The following TSPAN15 variants were observed in gnomAD, a reference collection of about 807,000 sequenced individuals.
TSPAN15 encodes the protein tetraspanin-15.
Under a neutral mutation model 34.5 loss-of-function variants are expected in TSPAN15, and 20 were observed. The ratio of observed to expected loss-of-function variants is 0.58; its 90% CI spans 0.41 to 0.84. The LOEUF is 0.84. TSPAN15 is among the 40% of genes least tolerant of loss of function. The pLI is 0.00. For synonymous variants in TSPAN15, 155 were observed against 153.9 expected (o/e 1.01, Z -0.05); for missense variants, 313 against 386.1 (o/e 0.81, Z 1.59).
At chr10:69,482,330 C>T (rs1841751520) in intron 1 of TSPAN15, among the ~76,000 whole-genome samples, 1 of 152,228 alleles carries the variant, frequency 6.6e-6, no homozygotes, top group Non-Finnish European at 1.5e-5. Context: ...CTGGGGTGAG[C>T]ACACATGGCA....
chr10:69,463,095 C>T (rs915133746), intron 1 of TSPAN15, among the ~76,000 whole-genome samples: 4 of 152,184 alleles, frequency 2.6e-5, no homozygotes, highest in African/African-American at 9.7e-5. Context: ...TCAAAACATT[C>T]TTTTATGTGC....
chr10:69,466,393 T>G (rs575652198), intron 1 of TSPAN15, among the ~76,000 whole-genome samples: 1 of 152,256 alleles, frequency 6.6e-6, no homozygotes, highest in Admixed American at 6.5e-5. Context: ...CCCCCGCTGA[T>G]TCCTGGTGGT....
the TSPAN15 span, among the ~76,000 whole-genome samples, chr10:69,547,325 T>C: frequency 3.3e-5 from 5 of 152,234 alleles, no homozygotes; most frequent in Non-Finnish European, 7.3e-5. Context: ...TCTTTTCATA[T>C]TTATTTATTC....
At chr10:69,528,832 T>G in the TSPAN15 span, among the ~76,000 whole-genome samples, 184 of 148,034 alleles carry the variant, frequency 1.2e-3, 19 homozygotes, top group Admixed American at 4.9e-3. Context: ...CATGCTCAGC[T>G]CTGGCTAAGC....
At chr10:69,513,617 C>T in the TSPAN15 span, among the ~76,000 whole-genome samples, 3 of 152,100 alleles carry the variant, frequency 2.0e-5, no homozygotes, top group Admixed American at 2.0e-4. Flanking sequence ...CTTCTGGTGT[C>T]ATAGCTAAGA....
At chr10:69,453,458 G>T (rs1841017658) in intron 1 of TSPAN15, among the ~76,000 whole-genome samples, 1 of 152,160 alleles carries the variant, frequency 6.6e-6, no homozygotes, top group African/African-American at 2.4e-5. Context: ...CTGTAAATCA[G>T]AGTTGAAAGA....
At chr10:69,454,235 G>A (rs1311622674) in intron 1 of TSPAN15, among the ~76,000 whole-genome samples, 1 of 152,108 alleles carries the variant, frequency 6.6e-6, no homozygotes, top group Non-Finnish European at 1.5e-5. Context: ...ATTACTACTG[G>A]GGCCGGGCCC....
chr10:69,492,665 A>G (rs1841993579), intron 3 of TSPAN15, among the ~76,000 whole-genome samples: 1 of 150,338 alleles, frequency 6.7e-6, no homozygotes, highest in African/African-American at 2.5e-5. Flanking sequence ...GGGAGGCGGG[A>G]TGGTTTGGGG....
the TSPAN15 span, among the ~76,000 whole-genome samples, chr10:69,515,221 T>C: frequency 2.6e-5 from 4 of 152,210 alleles, no homozygotes; most frequent in Non-Finnish European, 4.4e-5. Flanking sequence ...GATTTTGCTT[T>C]CCCAACCTCT....
At chr10:69,491,723 A>G (rs1841974125) in intron 3 of TSPAN15, among the ~76,000 whole-genome samples, 1 of 152,184 alleles carries the variant, frequency 6.6e-6, no homozygotes, top group Non-Finnish European at 1.5e-5. Context: ...TCCCAGCCTC[A>G]GGTCTCAGGC....
downstream of TSPAN15, among the ~76,000 whole-genome samples, chr10:69,510,802 T>C (rs995066325): frequency 1.3e-5 from 2 of 152,218 alleles, no homozygotes; most frequent in Non-Finnish European, 2.9e-5. Flanking sequence ...TTGAATTTTA[T>C]TGAAGGCTTT....
At chr10:69,518,047 A>G in the TSPAN15 span, among the ~76,000 whole-genome samples, 1 of 152,244 alleles carries the variant, frequency 6.6e-6, no homozygotes, top group Non-Finnish European at 1.5e-5. Flanking sequence ...TCTACATTGC[A>G]TTGGCAAAGA....
chr10:69,481,572 G>A (rs1256597541), intron 1 of TSPAN15, among the ~76,000 whole-genome samples: 1 of 152,204 alleles, frequency 6.6e-6, no homozygotes, highest in East Asian at 1.9e-4. Context: ...TCTGCTTAAG[G>A]ACATGATGAT....
At chr10:69,504,338 A>G (rs1842279032) in intron 5 of TSPAN15, 100 bp from the exon 6 acceptor site, 3 of 1,206,560 alleles carry the variant, frequency 2.5e-6, no homozygotes, top group Non-Finnish European at 3.6e-6. Context: ...GGACGGTGCA[A>G]CTCTGTGCTT....
intron 1 of TSPAN15, among the ~76,000 whole-genome samples, chr10:69,452,120 T>C (rs563275515): frequency 2.4e-4 from 36 of 152,362 alleles, no homozygotes; most frequent in Non-Finnish European, 4.0e-4. Context: ...TGGTCCCTGC[T>C]AGTTACTTGC....
chr10:69,536,053 C>G, the TSPAN15 span, among the ~76,000 whole-genome samples: 1 of 152,180 alleles, frequency 6.6e-6, no homozygotes, highest in African/African-American at 2.4e-5. Context: ...GTTCATCCCA[C>G]TGCCACCAAT....
chr10:69,494,703 G>A (rs1036964757), intron 3 of TSPAN15: 2 of 985,446 alleles, frequency 2.0e-6, no homozygotes, highest in African/African-American at 3.5e-5. Context: ...CGTACGCTGT[G>A]GTGCCACCCC....
At chr10:69,533,678 A>G in the TSPAN15 span, among the ~76,000 whole-genome samples, 4 of 152,234 alleles carry the variant, frequency 2.6e-5, no homozygotes, top group Non-Finnish European at 5.9e-5. Flanking sequence ...GAAAAAATAT[A>G]GAAAAAAGAA....
chr10:69,512,489 T>C (rs997048065), downstream of TSPAN15, among the ~76,000 whole-genome samples: 2 of 152,264 alleles, frequency 1.3e-5, no homozygotes, highest in Non-Finnish European at 2.9e-5. Flanking sequence ...AACTGACAAA[T>C]GTGTCAGTGA....
Sources: gnomAD v4.1 joint callset for allele counts (sites outside exome capture counted in the v4.1 genomes callset) on GRCh38, gnomAD v4.1.1 for gene constraint, MANE v1.5 for transcripts, NCBI Gene and HGNC (gene_info 2026-07-23, HGNC 2026-07-21) for gene names.